TCL1B: variants seen among roughly 807,000 people sequenced by gnomAD.
TCL1B encodes TCL1 family AKT coactivator B, also known as T-cell leukemia/lymphoma protein 1B.
TCL1B carries 14 observed loss-of-function variants against 16.9 expected under a neutral mutation model. The ratio of observed to expected loss-of-function variants is 0.83; its 90% CI spans 0.55 to 1.30. The LOEUF (loss-of-function observed/expected upper bound fraction) is 1.30. Among genes scored for constraint, TCL1B ranks in the 50% most tolerant of loss-of-function variants. The pLI is 0.00. For missense variants in TCL1B, 166 were observed against 165.2 expected (o/e 1.00, Z -0.03); for synonymous variants, 79 against 66.6 (o/e 1.19, Z -0.91).
At chr14:95,686,687 T>C (rs1438437204) in intron 1 of TCL1B, 58 bp downstream of exon 1, 1 of 1,517,376 alleles carries the variant, frequency 6.6e-7, no homozygotes, top group East Asian at 2.3e-5. Context: ...CCCCTGCCCG[T>C]GTGGGACCGC....
At chr14:95,687,467 G>T (rs188773593) in intron 1 of TCL1B, among the ~76,000 whole-genome samples, 87 of 151,078 alleles carry the variant, frequency 5.8e-4, no homozygotes, top group African/African-American at 1.9e-3. Context: ...TTTGAAATCA[G>T]ATTACTAATA....
chr14:95,686,676 ACC>A, intron 1 of TCL1B, 47 bp downstream of exon 1: 1 of 1,533,456 alleles, frequency 6.5e-7, no homozygotes, highest in South Asian at 1.3e-5. Context: ...CTGCGCACTG[ACC>A]CCTGCCCGTG....
chr14:95,689,209 C>A (rs796318856), intron 1 of TCL1B: 3 of 152,136 alleles, frequency 2.0e-5, no homozygotes, highest in Admixed American at 1.3e-4. Flanking sequence ...ATGGCTTGAA[C>A]CTGGGAGGCA....
In TCL1B at chr14:95,690,919, TG is replaced by T; in HGVS notation, c.333+15del. 2.5e-6 allele frequency: 4 copies of T among 1,609,516 alleles called. No homozygotes were observed. The South Asian group carries it at 3.3e-5, about 13-fold the overall frequency. ...AGACCATGGCCAGGCAAGTGTGTGG[TG>T]GTTCTAGGTGAAAGCGACAGGTGGC... is the stretch of plus-strand genomic sequence containing the variant. On this transcript the variant is annotated intron_variant, in intron 2 of 3. Transcript: ENST00000340722.
intron 1 of TCL1B, among the ~76,000 whole-genome samples, chr14:95,689,971 C>T (rs574004429): frequency 1.6e-4 from 24 of 152,168 alleles, no homozygotes; most frequent in Admixed American, 3.3e-4. Context: ...ATCTTTCTAA[C>T]TTCCAGTACC....
chr14:95,691,618 C>A, intron 3 of TCL1B: 1 of 276,812 alleles, frequency 3.6e-6, no homozygotes, highest in Admixed American at 4.7e-5. Context: ...TCCCATTTCA[C>A]GACGAAAAGA....
chr14:95,687,808 C>T (rs1885793981), intron 1 of TCL1B, among the ~76,000 whole-genome samples: 2 of 151,878 alleles, frequency 1.3e-5, no homozygotes, highest in Non-Finnish European at 2.9e-5. Context: ...AAAAATTAGC[C>T]GGGCGTGGTG....
intron 1 of TCL1B, among the ~76,000 whole-genome samples, chr14:95,687,442 G>A (rs975795725): frequency 1.3e-5 from 2 of 152,014 alleles, no homozygotes; most frequent in Non-Finnish European, 2.9e-5. Flanking sequence ...TAACCTCAGC[G>A]CATCCTCTAC....
At position 95,690,794 on chromosome 14, in the gene TCL1B, TCTC is replaced by T. The variant is rs752784612; in HGVS notation, c.226_228del (p.Ser76del). The T allele has an allele frequency of 4.3e-6, 7 of 1,614,216 alleles. No individual in the cohort carries two copies. In the East Asian group the frequency reaches 1.1e-4, roughly 26 times the overall value. The stretch of plus-strand genomic sequence containing the variant: ...ATGGCAGTGCATACCCGGGAGCTAC[TCTC>T]CTCCGGCCAGATGCCCTTCTCCCAG... On this transcript the variant is annotated inframe_deletion, in exon 2 of 4. Transcript: ENST00000340722.
chr14:95,686,510 C>T lies in TCL1B; in HGVS notation c.43C>T (p.Arg15Cys), dbSNP rs906453556. 6.2e-7 allele frequency: 1 copy of T among 1,613,168 alleles called. No individual in the cohort carries two copies. The highest frequency in any genetic ancestry group is 1.3e-5 in the African/African-American group (1 of 74,868). The change falls in exon 1 of 4, where the codon CGT becomes TGT. Residue 15 changes from arginine (R) to cysteine (C), a missense_variant. Arg to Cys is a radical substitution (Grantham distance 180, BLOSUM62 -3). Coordinates refer to ENST00000340722, the MANE Select transcript of TCL1B (RefSeq NM_004918.4). Reference sequence around the variant, plus strand: ...TGTGCGTCTAGGGGTGCCCCCTGGCCGTCTGTGGATCCAGAGGCCTGGCAT... The same window carrying T: ...TGTGCGTCTAGGGGTGCCCCCTGGCTGTCTGTGGATCCAGAGGCCTGGCAT... Reference protein sequence around the residue: ...ASVRLGVPPGRLWIQRPGIYE... With the variant: ...ASVRLGVPPGCLWIQRPGIYE...
intron 2 of TCL1B, 72 bp from the exon 3 acceptor site, chr14:95,691,196 G>T: frequency 3.9e-6 from 6 of 1,546,906 alleles, no homozygotes; most frequent in South Asian, 3.5e-5. Flanking sequence ...CTGCCAGCCT[G>T]CATGGGCGGC....
chr14:95,690,808 A>T lies in TCL1B; in HGVS notation c.235A>T (p.Met79Leu). 1 of 1,614,200 alleles carries T rather than the reference A, an allele frequency of 6.2e-7. No individual in the cohort carries two copies. Among genetic ancestry groups the T allele is most frequent in the Non-Finnish European group, 8.5e-7 (1 of 1,180,032 alleles). ...HTRELLSSGQ[M>L]PFSQLPAVWQ... ...CCGGGAGCTACTCTCCTCCGGCCAG[A>T]TGCCCTTCTCCCAGCTGCCCGCCGT... is the stretch of plus-strand genomic sequence containing the variant. The change falls in exon 2 of 4, where the codon ATG (methionine) becomes TTG (leucine). Residue 79 changes from methionine (M) to leucine (L), a missense_variant. Coordinates refer to ENST00000340722, the MANE Select transcript of TCL1B (RefSeq NM_004918.4).
intron 2 of TCL1B, 120 bp from the exon 3 acceptor site, chr14:95,691,148 G>A: frequency 8.1e-7 from 1 of 1,237,582 alleles, no homozygotes; most frequent in Non-Finnish European, 1.1e-6. Context: ...AAATCCACAA[G>A]CTGGAGTTCC....
intron 1 of TCL1B, among the ~76,000 whole-genome samples, chr14:95,690,341 T>C (rs375606054): frequency 1.3e-5 from 2 of 152,156 alleles, no homozygotes; most frequent in African/African-American, 4.8e-5. Context: ...AAGGTCATGA[T>C]CAGAACTGCC....
At chr14:95,689,346 A>G (rs1022507585) in intron 1 of TCL1B, 1 of 151,660 alleles carries the variant, frequency 6.6e-6, no homozygotes, top group African/African-American at 2.4e-5. Flanking sequence ...TAAATGATTC[A>G]GTGGAAATAG....
intron 1 of TCL1B, among the ~76,000 whole-genome samples, chr14:95,686,911 G>A (rs183243840): frequency 3.3e-5 from 5 of 152,330 alleles, no homozygotes; most frequent in South Asian, 4.1e-4. Flanking sequence ...CCCAGTGCCT[G>A]CTGGGAAGGC....
intron 1 of TCL1B, chr14:95,689,332 T>A: frequency 6.6e-6 from 1 of 152,106 alleles, no homozygotes; most frequent in East Asian, 1.9e-4. Context: ...ATTTTTTTTT[T>A]TTTTAAATGA....
chr14:95,691,169 A>G, intron 2 of TCL1B, 99 bp from the exon 3 acceptor site: 1 of 1,405,964 alleles, frequency 7.1e-7, no homozygotes, highest in Non-Finnish European at 9.7e-7. Context: ...CACCTGCCTC[A>G]CCCCTGCCTG....
At chr14:95,689,778 TA>T (rs1885842762) in intron 1 of TCL1B, among the ~76,000 whole-genome samples, 1 of 152,176 alleles carries the variant, frequency 6.6e-6, no homozygotes, top group South Asian at 2.1e-4. Flanking sequence ...AAGCAGTCCA[TA>T]AAAAAAGTGA....
Sources: gnomAD v4.1 joint callset for allele counts (sites outside exome capture counted in the v4.1 genomes callset) on GRCh38, gnomAD v4.1.1 for gene constraint, MANE v1.5 for transcripts, NCBI Gene and HGNC (gene_info 2026-07-23, HGNC 2026-07-21) for gene names.